The following SMIM22 variants were observed in gnomAD, a reference collection of about 807,000 sequenced individuals.
SMIM22 encodes small integral membrane protein 22.
A neutral mutation model predicts 8.4 loss-of-function variants in SMIM22; 16 were observed. The ratio of observed to expected loss-of-function variants is 1.90; its 90% CI spans 1.29 to 2.89. The LOEUF is 2.89. Ranked by LOEUF, SMIM22 falls within the 30% of genes most tolerant of loss-of-function variation. SMIM22 has a pLI of 0.00. For missense variants in SMIM22, 159 were observed against 107.5 expected, an observed-to-expected ratio of 1.48 and a Z score of -2.12; for synonymous variants, 67 against 47.6, an observed-to-expected ratio of 1.41 and a Z score of -1.68.
At chr16:4,789,555 T>C (rs926154586) in intron 2 of SMIM22, among the ~76,000 whole-genome samples, 1 of 152,162 alleles carries the variant, frequency 6.6e-6, no homozygotes, top group African/African-American at 2.4e-5. Flanking sequence ...CTCGATCTCC[T>C]GATCTCGTGA....
chr16:4,793,220 C>T (rs1439620027), upstream of SMIM22, among the ~76,000 whole-genome samples: 1 of 151,954 alleles, frequency 6.6e-6, no homozygotes, highest in African/African-American at 2.4e-5. Context: ...AGGAATGCCA[C>T]CACCCTCTAG....
At position 4,796,190 on chromosome 16, in the gene SMIM22, G is replaced by T. The variant is rs1226793918; in HGVS notation, c.226G>T (p.Glu76Ter). ...TGGTCCCGCTGTGCTTCTCGTGCAG[G>T]AAAGACCCAAGGGAGTGGATAACTT... ...ESPRKVSPWK[E>*]RPKGVDNLAL... The change falls in exon 4 of 4, where the codon GAA (glutamate) becomes TAA (stop). Residue 76 changes from glutamate to a stop codon, truncating the protein, a stop_gained and splice_region_variant. Transcript: ENST00000586005. LOFTEE classifies it high-confidence loss of function. 9.8e-6 allele frequency: 15 copies of T among 1,535,914 alleles called. No individual in the cohort carries two copies. Among genetic ancestry groups the T allele is most frequent in the Non-Finnish European group, 1.3e-5 (15 of 1,146,882 alleles).
upstream of SMIM22, among the ~76,000 whole-genome samples, chr16:4,791,899 A>G (rs1397622844): frequency 2.0e-5 from 3 of 151,974 alleles, no homozygotes; most frequent in Admixed American, 6.6e-5. Context: ...GTTGGCCAGG[A>G]TGGTCTCGAA....
upstream of SMIM22, among the ~76,000 whole-genome samples, chr16:4,792,579 A>C (rs1309946513): frequency 6.7e-6 from 1 of 150,016 alleles, no homozygotes. Context: ...AGGGGGGCGG[A>C]TTGCTAGAGC....
At chr16:4,791,335 G>C (rs2082548040), upstream of SMIM22, among the ~76,000 whole-genome samples, 2 of 152,232 alleles carry the variant, frequency 1.3e-5, no homozygotes, top group Non-Finnish European at 2.9e-5. Context: ...TATGGTGGAA[G>C]AGGACAAAAG....
In SMIM22 at chr16:4,796,408, C is replaced by G. The variant is rs1324543836; in HGVS notation, c.*177C>G. 4 of 722,056 alleles carry G rather than the reference C, an allele frequency of 5.5e-6. No individual in the cohort carries two copies. The highest frequency in any genetic ancestry group is 9.0e-6 in the Non-Finnish European group (4 of 446,642). 44.7% of individuals were successfully genotyped at this position (722,056 alleles called of 1,614,324 possible). A position where few individuals can be genotyped will look rare whatever the true frequency, so the allele number is the denominator to read the frequency against. On this transcript the variant is annotated 3_prime_UTR_variant, in exon 4 of 4. Transcript: ENST00000586005. ...ACGACTGTGCCAGGTCATCCTCAGT[C>G]ACCTAGCTGGGAGGGGAGCTGGTCT...
chr16:4,790,000 G>A (rs376373999), intron 2 of SMIM22: 1 of 149,046 alleles, frequency 6.7e-6, no homozygotes, highest in Non-Finnish European at 1.5e-5. Flanking sequence ...CTGCAGCCTC[G>A]ACTTCCTGGG....
upstream of SMIM22, among the ~76,000 whole-genome samples, chr16:4,791,164 C>G (rs951218127): frequency 6.6e-6 from 1 of 152,220 alleles, no homozygotes; most frequent in African/African-American, 2.4e-5. Context: ...TTCTGAAAAT[C>G]GTGGCGGTGA....
chr16:4,790,738 G>A (rs1467895426), upstream of SMIM22, among the ~76,000 whole-genome samples: 10 of 152,298 alleles, frequency 6.6e-5, no homozygotes, highest in Admixed American at 2.0e-4. Flanking sequence ...GCAGTGAGCC[G>A]AGATCGTGCC....
At chr16:4,789,391 T>A (rs1489822339) in intron 2 of SMIM22, among the ~76,000 whole-genome samples, 2 of 151,948 alleles carry the variant, frequency 1.3e-5, no homozygotes, top group Non-Finnish European at 2.9e-5. Context: ...AGTGGCATGA[T>A]CTCGGCTCAC....
At chr16:4,796,084 T>C (rs1030467435) in intron 3 of SMIM22, 36 bp downstream of exon 3, 3 of 1,535,160 alleles carry the variant, frequency 2.0e-6, no homozygotes, top group Non-Finnish European at 2.6e-6. Context: ...TGCACGGAAC[T>C]GTACTGGGGG....
At chr16:4,789,383 T>A (rs904701291) in intron 2 of SMIM22, among the ~76,000 whole-genome samples, 3 of 151,870 alleles carry the variant, frequency 2.0e-5, no homozygotes, top group Non-Finnish European at 4.4e-5. Flanking sequence ...TGGAGTTTAG[T>A]GGCATGATCT....
In SMIM22 at chr16:4,796,318, T is replaced by C. The variant is rs536695595; in HGVS notation, c.*87T>C. The C allele has an allele frequency of 6.9e-5, 102 of 1,473,422 alleles. No individual in the cohort carries two copies. The South Asian group carries it at 1.2e-3, about 18-fold the overall frequency. 91.3% of individuals were successfully genotyped at this position (1,473,422 alleles called of 1,614,324 possible). ...CAGTGTCTTCCAGTCCCCGTCTGGG[T>C]GGGTGACGCGGGACTCGCCGCCCCA... On this transcript the variant is annotated 3_prime_UTR_variant, in exon 4 of 4. Transcript: ENST00000586005.
chr16:4,791,998 T>C (rs1158626323), upstream of SMIM22, among the ~76,000 whole-genome samples: 1 of 151,928 alleles, frequency 6.6e-6, no homozygotes, highest in Admixed American at 6.6e-5. Flanking sequence ...GACTTTGTCT[T>C]TTAACAACTT....
chr16:4,788,610 G>A (rs1172315751), intron 1 of SMIM22: 1 of 152,204 alleles, frequency 6.6e-6, no homozygotes, highest in African/African-American at 2.4e-5. Context: ...CAGCTGGCTA[G>A]CGGGATATCC....
intron 1 of SMIM22, 49 bp downstream of exon 1, chr16:4,795,498 A>C (rs371259688): frequency 2.1e-5 from 12 of 572,010 alleles, no homozygotes; most frequent in South Asian, 1.1e-4. Flanking sequence ...GAGAGGGGAG[A>C]TGACAGTGGC....
chr16:4,789,483 G>A (rs1440046614), intron 2 of SMIM22, among the ~76,000 whole-genome samples: 3 of 151,670 alleles, frequency 2.0e-5, no homozygotes, highest in African/African-American at 2.4e-5. Flanking sequence ...CTGCCACCAC[G>A]CCCGGCTAAT....
chr16:4,789,541 T>C (rs991860658), intron 2 of SMIM22, among the ~76,000 whole-genome samples: 2 of 152,136 alleles, frequency 1.3e-5, no homozygotes, highest in African/African-American at 4.8e-5. Context: ...TTAGCCAGGA[T>C]GGTCTCGATC....
Position 4,795,591 on chromosome 16 carries a change from G to C in SMIM22, c.-20-124G>C, listed in dbSNP as rs886916508. ...CTGGGGCCGAGGGAGAAGTGGAGTG[G>C]GAGGGGGTGGGGAAGCTGGCGCTGG... On this transcript the variant is annotated intron_variant, in intron 1 of 3. Transcript: ENST00000586005. 3.3e-6 allele frequency: 4 copies of C among 1,203,366 alleles called. No homozygotes were observed. In the African/African-American group the frequency reaches 6.1e-5, roughly 18 times the overall value. The allele number at this position is 1,203,366 out of a possible 1,614,324, so 74.5% of individuals were successfully genotyped here.
Sources: gnomAD v4.1 joint callset for allele counts (sites outside exome capture counted in the v4.1 genomes callset) on GRCh38, gnomAD v4.1.1 for gene constraint, MANE v1.5 for transcripts, NCBI Gene and HGNC (gene_info 2026-07-23, HGNC 2026-07-21) for gene names.